BICC1: variants seen among roughly 807,000 people sequenced by gnomAD.
The protein encoded by BICC1 is protein bicaudal C homolog 1.
In BICC1, 43 loss-of-function variants were observed where a neutral mutation model predicts 111.0. The ratio of observed to expected loss-of-function variants is 0.39; its 90% confidence interval spans 0.30 to 0.50. The LOEUF (loss-of-function observed/expected upper bound fraction) is 0.50. Ranked by LOEUF, BICC1 falls within the 20% of genes least tolerant of loss-of-function variation. BICC1 has a pLI of 0.88. For missense variants in BICC1, 1,091 were observed against 1,203.2 expected, an observed-to-expected ratio of 0.91 and a Z score of 1.38; for synonymous variants, 467 against 434.4, an observed-to-expected ratio of 1.07 and a Z score of -0.93.
chr10:58,694,665 C>T (rs1475041337), intron 2 of BICC1, among the ~76,000 whole-genome samples: 1 of 152,144 alleles, frequency 6.6e-6, no homozygotes, highest in African/African-American at 2.4e-5. Flanking sequence ...CCATTAAAAC[C>T]TCCTAATCGC....
intron 1 of BICC1, among the ~76,000 whole-genome samples, chr10:58,614,092 T>G (rs1487966961): frequency 6.6e-6 from 1 of 152,206 alleles, no homozygotes; most frequent in African/African-American, 2.4e-5. Flanking sequence ...TACTAATGAA[T>G]GCAGACTAAG....
chr10:58,675,931 T>C (rs1839325046), intron 2 of BICC1, among the ~76,000 whole-genome samples: 1 of 152,194 alleles, frequency 6.6e-6, no homozygotes, highest in South Asian at 2.1e-4. Context: ...CCAACTGAGG[T>C]ACCCGGTTCA....
At chr10:58,553,269 G>C (rs949208472) in intron 1 of BICC1, among the ~76,000 whole-genome samples, 1 of 152,180 alleles carries the variant, frequency 6.6e-6, no homozygotes, top group Non-Finnish European at 1.5e-5. Context: ...AGGTTAGCCT[G>C]GGTTATCCAG....
intron 3 of BICC1, among the ~76,000 whole-genome samples, chr10:58,772,350 A>G (rs1407103599): frequency 1.3e-5 from 2 of 152,172 alleles, no homozygotes; most frequent in African/African-American, 2.4e-5. Context: ...ACTTGCCTCT[A>G]TTGTTACTGT....
intron 1 of BICC1, among the ~76,000 whole-genome samples, chr10:58,527,650 G>A (rs1842580270): frequency 6.6e-6 from 1 of 152,106 alleles, no homozygotes; most frequent in African/African-American, 2.4e-5. Context: ...CGGCTAGCCA[G>A]TTTTCCCAGC....
Position 58,828,831 on chromosome 10 carries a change from G to T in BICC1, c.2865G>T (p.Ala955=). The stretch of plus-strand genomic sequence containing the variant: ...GCACCTCTTTCCTGGAAGGTGGAGC[G>T]AGTGGAAGGCTACCCCGTCAGTATC... ...NARTSFLEGG[A]SGRLPRQYHS... The change falls in exon 21 of 21, where the codon GCG becomes GCT. Residue 955 remains alanine, a synonymous_variant. Transcript: ENST00000373886. The T allele has an allele frequency of 6.2e-7, 1 of 1,613,952 alleles. No homozygotes were observed. The highest frequency in any genetic ancestry group is 8.5e-7 in the Non-Finnish European group (1 of 1,179,910).
At chr10:58,743,174 A>G (rs558795249) in intron 3 of BICC1, among the ~76,000 whole-genome samples, 2 of 152,322 alleles carry the variant, frequency 1.3e-5, no homozygotes, top group Admixed American at 6.5e-5. Flanking sequence ...ACAAGCAGAC[A>G]TATTTGGCTG....
At chr10:58,563,614 T>C (rs534502208) in intron 1 of BICC1, among the ~76,000 whole-genome samples, 2 of 152,318 alleles carry the variant, frequency 1.3e-5, no homozygotes, top group Admixed American at 6.5e-5. Flanking sequence ...TATCTCTTTG[T>C]TGTTTTGGTT....
At chr10:58,576,073 A>G (rs1844103090) in intron 1 of BICC1, among the ~76,000 whole-genome samples, 1 of 152,138 alleles carries the variant, frequency 6.6e-6, no homozygotes, top group South Asian at 2.1e-4. Flanking sequence ...CACATCTTTG[A>G]AGAGCCGAGT....
chr10:58,695,008 A>G (rs72802447), intron 2 of BICC1, among the ~76,000 whole-genome samples: 6 of 152,332 alleles, frequency 3.9e-5, no homozygotes, highest in South Asian at 2.1e-4. Context: ...TCTGTCTGCC[A>G]TATAACCTTT....
chr10:58,534,171 AG>A (rs1842764080), intron 1 of BICC1, among the ~76,000 whole-genome samples: 1 of 151,756 alleles, frequency 6.6e-6, no homozygotes, highest in Admixed American at 6.6e-5. Flanking sequence ...TAGGTAAAGG[AG>A]GGCATTAAGT....
At chr10:58,696,045 G>C (rs911783771) in intron 2 of BICC1, among the ~76,000 whole-genome samples, 1 of 151,956 alleles carries the variant, frequency 6.6e-6, no homozygotes, top group African/African-American at 2.4e-5. Flanking sequence ...CAAAAAATTT[G>C]TAATTCTAGC....
chr10:58,600,762 T>A (rs1254625569), intron 1 of BICC1, among the ~76,000 whole-genome samples: 4 of 152,128 alleles, frequency 2.6e-5, no homozygotes. Context: ...TTTATGATGA[T>A]CCACTTCCAC....
At chr10:58,707,724 T>C (rs752924130) in intron 3 of BICC1, among the ~76,000 whole-genome samples, 53 of 151,754 alleles carry the variant, frequency 3.5e-4, no homozygotes, top group Admixed American at 6.6e-4. Flanking sequence ...TGAGATGGAG[T>C]TTTGCTCTTA....
chr10:58,789,525 T>A, intron 7 of BICC1, 69 bp downstream of exon 7: 1 of 1,513,928 alleles, frequency 6.6e-7, no homozygotes, highest in Non-Finnish European at 8.9e-7. Context: ...TTAAAGAATA[T>A]TAGACTAATT....
chr10:58,807,539 A>C (rs902680900), intron 17 of BICC1, among the ~76,000 whole-genome samples: 3 of 152,212 alleles, frequency 2.0e-5, no homozygotes, highest in Non-Finnish European at 2.9e-5. Flanking sequence ...GATGGGGGAA[A>C]AGGCAAATAT....
intron 2 of BICC1, among the ~76,000 whole-genome samples, chr10:58,621,743 T>C (rs1336035442): frequency 6.6e-6 from 1 of 151,746 alleles, no homozygotes. Context: ...ACTAAAAATA[T>C]AAAAGTTAGC....
intron 6 of BICC1, 129 bp downstream of exon 6, chr10:58,788,552 T>C: frequency 1.7e-6 from 1 of 595,516 alleles, no homozygotes; most frequent in South Asian, 2.5e-5. Flanking sequence ...GTGGCAAAAG[T>C]TATTTTAGTG....
chr10:58,744,656 G>C (rs1185704271), intron 3 of BICC1, among the ~76,000 whole-genome samples: 1 of 147,876 alleles, frequency 6.8e-6, no homozygotes, highest in Non-Finnish European at 1.5e-5. Flanking sequence ...TACATTCCAT[G>C]ATGAAACTTT....
Sources: allele counts gnomAD v4.1 joint callset (sites outside exome capture counted in the v4.1 genomes callset), GRCh38; gene constraint gnomAD v4.1.1; transcripts MANE v1.5; gene names NCBI Gene and HGNC (gene_info 2026-07-23, HGNC 2026-07-21).